ZBTB20: variants seen among roughly 807,000 people sequenced by gnomAD.
ZBTB20 encodes zinc finger and BTB domain-containing protein 20.
Under a neutral mutation model 56.9 loss-of-function variants are expected in ZBTB20, and 9 were observed. The observed-to-expected ratio is 0.16, with a 90% CI of 0.10 to 0.28. The LOEUF is 0.28. ZBTB20 is among the 10% of genes least tolerant of loss of function. The probability of loss-of-function intolerance (pLI) is 1.00; values close to 1 mark genes in which losing one functional copy is unlikely to be tolerated. For synonymous variants in ZBTB20, 417 were observed against 420.7 expected (o/e 0.99, Z 0.11); for missense variants, 655 against 1,003.0 (o/e 0.65, Z 4.69).
chr3:114,910,599 TAA>T (rs2075495623), intron 3 of ZBTB20, among the ~76,000 whole-genome samples: 2 of 152,180 alleles, frequency 1.3e-5, no homozygotes, highest in East Asian at 3.9e-4. Flanking sequence ...TAGCTACTAC[TAA>T]GTGTTTGATA....
intron 7 of ZBTB20, among the ~76,000 whole-genome samples, chr3:114,455,286 A>G (rs1469654440): frequency 6.6e-6 from 1 of 152,136 alleles, no homozygotes; most frequent in Non-Finnish European, 1.5e-5. Flanking sequence ...CGGCTGAACC[A>G]AAGGGGAAAA....
chr3:114,818,842 A>G (rs1236335784), intron 4 of ZBTB20, among the ~76,000 whole-genome samples: 3 of 152,032 alleles, frequency 2.0e-5, no homozygotes, highest in Admixed American at 1.3e-4. Context: ...GAAATAGGAT[A>G]TTAAACAGGA....
chr3:114,377,277 T>C (rs2693048), intron 10 of ZBTB20, among the ~76,000 whole-genome samples: 3,078 of 152,304 alleles, frequency 0.02, 113 homozygotes, highest in African/African-American at 0.068. Context: ...GGGGGAATAT[T>C]GCTAAAAGGA....
At chr3:114,941,297 T>A (rs2076716101) in intron 3 of ZBTB20, among the ~76,000 whole-genome samples, 1 of 145,870 alleles carries the variant, frequency 6.9e-6, no homozygotes, top group Non-Finnish European at 1.5e-5. Flanking sequence ...GAAACTAACA[T>A]AAATGTTTTA....
intron 2 of ZBTB20, among the ~76,000 whole-genome samples, chr3:115,052,677 A>G (rs2081599090): frequency 6.6e-6 from 1 of 152,170 alleles, no homozygotes; most frequent in African/African-American, 2.4e-5. Flanking sequence ...CACAGACACA[A>G]AAGTGAGCTA....
intron 6 of ZBTB20, among the ~76,000 whole-genome samples, chr3:114,590,444 CTG>C (rs2055634402): frequency 6.6e-6 from 1 of 150,852 alleles, no homozygotes; most frequent in Admixed American, 6.6e-5. Context: ...GGGCGAAAGA[CTG>C]AGACTCCGTC....
At chr3:114,754,503 A>C (rs2067851681) in intron 5 of ZBTB20, among the ~76,000 whole-genome samples, 1 of 152,166 alleles carries the variant, frequency 6.6e-6, no homozygotes, top group African/African-American at 2.4e-5. Flanking sequence ...CAACAACTGT[A>C]TACTTAGTGA....
intron 10 of ZBTB20, among the ~76,000 whole-genome samples, chr3:114,370,718 T>G (rs1160092171): frequency 6.6e-6 from 1 of 152,188 alleles, no homozygotes; most frequent in Non-Finnish European, 1.5e-5. Flanking sequence ...CTAGTCCTAA[T>G]CTCACGCATT....
chr3:114,858,548 G>C (rs1007160508), intron 4 of ZBTB20, among the ~76,000 whole-genome samples: 1 of 151,998 alleles, frequency 6.6e-6, no homozygotes, highest in Non-Finnish European at 1.5e-5. Context: ...GTGTGTGTGT[G>C]TGTGATGTTG....
rs76640957 is a variant in ZBTB20, at chr3:114,632,025, A to G, written c.-295+61503T>C. ...GAGCAGAAAAGCTAATTGGGTGAGG[A>G]GAGTCCTGTAGAGAGTAGACTATAC... On this transcript the variant is annotated intron_variant, in intron 6 of 11. Coordinates refer to ENST00000675478, the MANE Select transcript of ZBTB20 (RefSeq NM_001348800.3). Among the ~76,000 whole-genome samples, 42 of 152,316 alleles carry G rather than the reference A, an allele frequency of 2.8e-4. 1 individual carries two copies. In the East Asian group the frequency reaches 7.0e-3, roughly 25 times the overall value.
chr3:114,801,694 G>T (rs542380853), intron 4 of ZBTB20, among the ~76,000 whole-genome samples: 5 of 151,972 alleles, frequency 3.3e-5, no homozygotes, highest in African/African-American at 1.2e-4. Context: ...AGATGGTGAA[G>T]AAGGGCTAAA....
intron 7 of ZBTB20, among the ~76,000 whole-genome samples, chr3:114,450,894 T>C (rs890989199): frequency 3.3e-5 from 5 of 152,236 alleles, no homozygotes; most frequent in Middle Eastern, 3.4e-3. Flanking sequence ...TTTTGAGATA[T>C]ATAAAATAAA....
intron 6 of ZBTB20, among the ~76,000 whole-genome samples, chr3:114,637,439 A>T (rs1233601732): frequency 2.0e-5 from 3 of 152,124 alleles, no homozygotes; most frequent in Non-Finnish European, 4.4e-5. Flanking sequence ...CAAATTATTA[A>T]CTTAGTATTT....
chr3:114,489,836 T>G (rs547551477), intron 7 of ZBTB20, among the ~76,000 whole-genome samples: 2 of 152,346 alleles, frequency 1.3e-5, no homozygotes, highest in South Asian at 2.1e-4. Flanking sequence ...CTAAAGGGAA[T>G]ATCACAGAAT....
intron 3 of ZBTB20, among the ~76,000 whole-genome samples, chr3:114,961,282 T>A (rs2077442574): frequency 1.3e-5 from 2 of 151,638 alleles, no homozygotes; most frequent in African/African-American, 2.4e-5. Context: ...CTTAGAACTA[T>A]CCTCCTTCAA....
At chr3:114,769,099 G>A (rs964071717) in intron 5 of ZBTB20, among the ~76,000 whole-genome samples, 10 of 152,136 alleles carry the variant, frequency 6.6e-5, no homozygotes, top group African/African-American at 9.7e-5. Context: ...ATTTTTGAAC[G>A]TGTACTGCAT....
chr3:114,829,835 G>A (rs1020915458), intron 4 of ZBTB20, among the ~76,000 whole-genome samples: 1 of 151,758 alleles, frequency 6.6e-6, no homozygotes, highest in African/African-American at 2.4e-5. Context: ...GGTTTCCAGT[G>A]CTGCTTGGTT....
chr3:114,456,178 T>C (rs967180008), intron 7 of ZBTB20, among the ~76,000 whole-genome samples: 4 of 150,834 alleles, frequency 2.7e-5, no homozygotes, highest in African/African-American at 9.9e-5. Context: ...ATTTCCACTT[T>C]ATATATATGT....
intron 3 of ZBTB20, among the ~76,000 whole-genome samples, chr3:114,904,040 T>C (rs1034140568): frequency 6.6e-6 from 1 of 152,062 alleles, no homozygotes; most frequent in Non-Finnish European, 1.5e-5. Context: ...ACACAGTTCA[T>C]GTAATTGCTA....
Sources: gnomAD v4.1 joint callset for allele counts (sites outside exome capture counted in the v4.1 genomes callset) on GRCh38, gnomAD v4.1.1 for gene constraint, MANE v1.5 for transcripts, NCBI Gene and HGNC (gene_info 2026-07-23, HGNC 2026-07-21) for gene names.